The following STXBP5L variants were observed in gnomAD, a reference collection of about 807,000 sequenced individuals.
STXBP5L encodes syntaxin-binding protein 5-like.
In STXBP5L, 65 loss-of-function variants were observed where a neutral mutation model predicts 144.5. The ratio of observed to expected loss-of-function variants is 0.45; its 90% CI spans 0.37 to 0.55. The LOEUF (loss-of-function observed/expected upper bound fraction) is 0.55, where lower values mean the gene tolerates loss of function less well. Ranked by LOEUF, STXBP5L falls within the 20% of genes least tolerant of loss-of-function variation. The pLI, the probability that STXBP5L is intolerant of heterozygous loss-of-function variation, is 0.00. For synonymous variants in STXBP5L, 505 were observed against 469.6 expected (o/e 1.08, Z -0.97); for missense variants, 1,298 against 1,405.5 (o/e 0.92, Z 1.22).
At chr3:121,002,138 C>T (rs755220653) in intron 3 of STXBP5L, among the ~76,000 whole-genome samples, 14 of 152,048 alleles carry the variant, frequency 9.2e-5, no homozygotes, top group Non-Finnish European at 1.9e-4. Context: ...TACTGTTTTC[C>T]AAAATGGCTG....
At chr3:121,093,450 T>G (rs1441698039) in intron 5 of STXBP5L, among the ~76,000 whole-genome samples, 1 of 152,146 alleles carries the variant, frequency 6.6e-6, no homozygotes, top group East Asian at 1.9e-4. Context: ...CAATTTCAGC[T>G]CCTGTTATTG....
chr3:121,329,099 C>T (rs925828847), intron 20 of STXBP5L, among the ~76,000 whole-genome samples: 2 of 151,884 alleles, frequency 1.3e-5, no homozygotes, highest in African/African-American at 4.8e-5. Context: ...ACATCTATGT[C>T]TAATTCAACA....
At chr3:121,347,654 T>C (rs374597020) in intron 20 of STXBP5L, among the ~76,000 whole-genome samples, 1 of 152,206 alleles carries the variant, frequency 6.6e-6, no homozygotes, top group Admixed American at 6.5e-5. Context: ...TTTGTAGTTC[T>C]TCTTGAAGAG....
chr3:121,011,372 C>T (rs1688684), intron 3 of STXBP5L, among the ~76,000 whole-genome samples: 32,228 of 151,118 alleles, frequency 0.21, 3,659 homozygotes, highest in Non-Finnish European at 0.26. Context: ...TTAGATGAGT[C>T]CTGCAACCCT....
chr3:121,196,602 T>G (rs2047929622), intron 9 of STXBP5L, among the ~76,000 whole-genome samples: 1 of 152,130 alleles, frequency 6.6e-6, no homozygotes, highest in African/African-American at 2.4e-5. Flanking sequence ...CAGTTTAGTT[T>G]TTTTTATTTT....
intron 9 of STXBP5L, 102 bp from the exon 10 acceptor site, chr3:121,205,821 C>A: frequency 1.9e-6 from 1 of 533,878 alleles, no homozygotes; most frequent in South Asian, 3.6e-5. Flanking sequence ...ATAGAATTAA[C>A]ATTATTATTC....
At chr3:120,998,835 G>T (rs1943553607) in intron 3 of STXBP5L, among the ~76,000 whole-genome samples, 1 of 152,078 alleles carries the variant, frequency 6.6e-6, no homozygotes, top group South Asian at 2.1e-4. Context: ...TGTACAATCA[G>T]AATTACAAAA....
intron 9 of STXBP5L, among the ~76,000 whole-genome samples, chr3:121,204,899 A>G (rs2048278691): frequency 6.6e-6 from 1 of 152,204 alleles, no homozygotes; most frequent in Non-Finnish European, 1.5e-5. Flanking sequence ...TAGGGAGTCT[A>G]AACAGAATAA....
chr3:121,108,120 G>C (rs934789762), intron 5 of STXBP5L, among the ~76,000 whole-genome samples: 2 of 152,072 alleles, frequency 1.3e-5, no homozygotes, highest in Admixed American at 1.3e-4. Flanking sequence ...AGGCTGAAGC[G>C]ATAGGATTTT....
intron 18 of STXBP5L, among the ~76,000 whole-genome samples, chr3:121,269,425 GTA>G (rs369816475): frequency 1.4e-4 from 21 of 150,634 alleles, no homozygotes; most frequent in African/African-American, 2.7e-4. Context: ...GTGTGTGTGT[GTA>G]TATATATATA....
At chr3:120,976,258 C>G (rs1260094157) in intron 3 of STXBP5L, among the ~76,000 whole-genome samples, 1 of 152,130 alleles carries the variant, frequency 6.6e-6, no homozygotes, top group African/African-American at 2.4e-5. Context: ...CAACTTCTTC[C>G]TGGTTTAGTC....
intron 3 of STXBP5L, among the ~76,000 whole-genome samples, chr3:121,020,365 C>T (rs1046063667): frequency 2.6e-5 from 4 of 152,134 alleles, no homozygotes; most frequent in African/African-American, 2.4e-5. Context: ...GAAAAGTTCC[C>T]CAGCCTTGCT....
chr3:120,987,313 G>A (rs1688672), intron 3 of STXBP5L, among the ~76,000 whole-genome samples: 78,239 of 151,726 alleles, frequency 0.52, 20,601 homozygotes, highest in Admixed American at 0.6. Context: ...AGTTTTAGTC[G>A]TTTTGATAAT....
intron 20 of STXBP5L, among the ~76,000 whole-genome samples, chr3:121,342,509 C>G (rs1203386433): frequency 1.5e-5 from 2 of 134,950 alleles, no homozygotes; most frequent in East Asian, 2.4e-4. Flanking sequence ...CCCCCCACCC[C>G]ACAACGGTCC....
At chr3:121,211,736 T>C (rs1795404) in intron 10 of STXBP5L, among the ~76,000 whole-genome samples, 19 of 151,884 alleles carry the variant, frequency 1.3e-4, no homozygotes, top group Non-Finnish European at 2.5e-4. Flanking sequence ...GTGCCACCAT[T>C]CCCAGCTAAT....
intron 11 of STXBP5L, among the ~76,000 whole-genome samples, chr3:121,226,358 A>G (rs2049123814): frequency 6.6e-6 from 1 of 152,156 alleles, no homozygotes; most frequent in African/African-American, 2.4e-5. Context: ...ATAGTTTGCT[A>G]GACTCTTTGT....
At chr3:121,298,884 A>G (rs2051769892) in intron 19 of STXBP5L, among the ~76,000 whole-genome samples, 3 of 152,308 alleles carry the variant, frequency 2.0e-5, no homozygotes, top group East Asian at 1.9e-4. Context: ...ACACTGAAAA[A>G]TTTGTTTAGA....
intron 4 of STXBP5L, among the ~76,000 whole-genome samples, chr3:121,044,138 G>A (rs191071814): frequency 6.6e-6 from 1 of 152,222 alleles, no homozygotes; most frequent in African/African-American, 2.4e-5. Context: ...ATGTTAAGAT[G>A]TATATATCAA....
intron 7 of STXBP5L, among the ~76,000 whole-genome samples, chr3:121,136,631 A>T (rs1193659598): frequency 6.6e-6 from 1 of 152,206 alleles, no homozygotes; most frequent in Non-Finnish European, 1.5e-5. Context: ...TGCTGGTGGG[A>T]ATGTAAATTA....
Sources: allele counts gnomAD v4.1 joint callset (sites outside exome capture counted in the v4.1 genomes callset), GRCh38; gene constraint gnomAD v4.1.1; transcripts MANE v1.5; gene names NCBI Gene and HGNC (gene_info 2026-07-23, HGNC 2026-07-21).